The following TMED3 variants were observed in gnomAD, a reference collection of about 807,000 sequenced individuals.
TMED3 encodes transmembrane emp24 domain-containing protein 3.
TMED3 carries 9 observed loss-of-function variants against 15.0 expected under a neutral mutation model. That is an observed-to-expected ratio of 0.60 (90% CI 0.36 to 1.04). TMED3 has a LOEUF of 1.04. Ranked by LOEUF, TMED3 falls within the 50% of genes least tolerant of loss-of-function variation. The pLI, the probability that TMED3 is intolerant of heterozygous loss-of-function variation, is 0.01. For missense variants in TMED3, 267 were observed against 278.9 expected (o/e 0.96, Z 0.30); for synonymous variants, 117 against 121.4 (o/e 0.96, Z 0.24).
At chr15:79,376,149 G>GC (rs1199560022) in intron 2 of TMED3, among the ~76,000 whole-genome samples, 1 of 140,884 alleles carries the variant, frequency 7.1e-6, no homozygotes, top group Non-Finnish European at 1.5e-5. Context: ...TCGCTCTGTC[G>GC]CCCAGGCTGG....
At chr15:79,353,178 A>G (rs1595897168) in intron 2 of TMED3, among the ~76,000 whole-genome samples, 2 of 62,754 alleles carry the variant, frequency 3.2e-5, no homozygotes, top group South Asian at 9.8e-4. Flanking sequence ...TATACATAAT[A>G]TATAAAATAT....
intron 2 of TMED3, among the ~76,000 whole-genome samples, chr15:79,339,576 G>C (rs531220464): frequency 5.3e-4 from 80 of 152,178 alleles, no homozygotes; most frequent in Non-Finnish European, 9.1e-4. Flanking sequence ...CAAATTTGGG[G>C]TGGTGTTGGC....
At chr15:79,320,775 A>G (rs1018201994) in intron 2 of TMED3, among the ~76,000 whole-genome samples, 2 of 152,174 alleles carry the variant, frequency 1.3e-5, no homozygotes, top group African/African-American at 4.8e-5. Flanking sequence ...TCTTAATGCA[A>G]TACTCACTTA....
intron 2 of TMED3, among the ~76,000 whole-genome samples, chr15:79,329,767 C>T (rs746950518): frequency 5.9e-5 from 9 of 152,284 alleles, no homozygotes; most frequent in South Asian, 2.1e-4. Context: ...TCCTGCTGTC[C>T]GCCACCCATC....
At chr15:79,314,097 C>T (rs1305800095) in intron 2 of TMED3, 92 bp downstream of exon 2, 2 of 1,506,832 alleles carry the variant, frequency 1.3e-6, no homozygotes, top group Non-Finnish European at 1.8e-6. Flanking sequence ...GAGTCATCAT[C>T]CATCCAGCTC....
At chr15:79,320,645 A>T (rs12905379) in intron 2 of TMED3, among the ~76,000 whole-genome samples, 5 of 152,194 alleles carry the variant, frequency 3.3e-5, no homozygotes, top group Non-Finnish European at 7.3e-5. Flanking sequence ...GATAGGATAG[A>T]ATTTTCTAGG....
chr15:79,315,099 G>T (rs555609542), intron 2 of TMED3, among the ~76,000 whole-genome samples: 1 of 152,118 alleles, frequency 6.6e-6, no homozygotes, highest in Non-Finnish European at 1.5e-5. Context: ...CTTCTGGGCC[G>T]CCTTCCAAGG....
chr15:79,348,607 A>ATCTC (rs2058879849), intron 2 of TMED3, among the ~76,000 whole-genome samples: 1 of 152,200 alleles, frequency 6.6e-6, no homozygotes, highest in African/African-American at 2.4e-5. Context: ...TAGGTGAAAA[A>ATCTC]CAAGAGGTGC....
chr15:79,318,129 C>T (rs1025273717), intron 2 of TMED3, among the ~76,000 whole-genome samples: 2 of 152,170 alleles, frequency 1.3e-5, no homozygotes, highest in South Asian at 2.1e-4. Context: ...AGCCTGGTGA[C>T]GTCCTGCCCA....
intron 2 of TMED3, among the ~76,000 whole-genome samples, chr15:79,380,381 T>C (rs1008537655): frequency 1.1e-4 from 17 of 148,096 alleles, no homozygotes; most frequent in Non-Finnish European, 1.8e-4. Context: ...GTTATACACA[T>C]ATATATATAA....
At chr15:79,387,244 C>A (rs1010436946) in intron 2 of TMED3, among the ~76,000 whole-genome samples, 4 of 152,126 alleles carry the variant, frequency 2.6e-5, no homozygotes, top group African/African-American at 9.7e-5. Flanking sequence ...AAGTAAGGGT[C>A]CAATTTTATT....
At chr15:79,386,709 T>TTTC (rs1436673407) in intron 2 of TMED3, among the ~76,000 whole-genome samples, 2 of 147,694 alleles carry the variant, frequency 1.4e-5, no homozygotes, top group Admixed American at 1.3e-4. Context: ...TGGCTATTTT[T>TTTC]TTTTTTTTTT....
intron 2 of TMED3, among the ~76,000 whole-genome samples, chr15:79,350,911 A>G (rs982411218): frequency 2.6e-5 from 4 of 152,178 alleles, no homozygotes; most frequent in Admixed American, 2.6e-4. Flanking sequence ...GAAAAGCAGA[A>G]GCTGTGTTTA....
In TMED3 at chr15:79,411,462, A is replaced by T. The variant is rs936953044; in HGVS notation, c.480A>T (p.Gly160=). The change falls in exon 3 of 3, where the codon GGA becomes GGT. Residue 160 remains glycine (G), a synonymous_variant. Transcript: ENST00000424155. ...TGGTCGACTATATGCAGCCAGGCGG[A>T]ACACCTGCCACCGAGGGACTGGGAC... 4.3e-6 allele frequency: 3 copies of T among 702,500 alleles called. No individual in the cohort carries two copies. The Admixed American group carries it at 6.0e-5, about 14-fold the overall frequency. 43.5% of individuals were successfully genotyped at this position (702,500 alleles called of 1,614,324 possible).
chr15:79,401,722 A>T (rs886441068), intron 2 of TMED3, among the ~76,000 whole-genome samples: 2 of 152,210 alleles, frequency 1.3e-5, no homozygotes, highest in Non-Finnish European at 2.9e-5. Flanking sequence ...AGTGCCAGTA[A>T]CTGCAAAAAG....
At chr15:79,336,905 T>C (rs2058829298) in intron 2 of TMED3, among the ~76,000 whole-genome samples, 1 of 152,120 alleles carries the variant, frequency 6.6e-6, no homozygotes, top group African/African-American at 2.4e-5. Flanking sequence ...CTTCCAAGTG[T>C]CAAAGTAGTT....
intron 2 of TMED3, among the ~76,000 whole-genome samples, chr15:79,332,466 G>A (rs11635848): frequency 0.39 from 59,547 of 152,096 alleles, 11,948 homozygotes; most frequent in Middle Eastern, 0.48. Context: ...GCACATTCAA[G>A]CTATTATTTT....
At chr15:79,351,156 A>G (rs1595896286) in intron 2 of TMED3, among the ~76,000 whole-genome samples, 1 of 152,204 alleles carries the variant, frequency 6.6e-6, no homozygotes, top group African/African-American at 2.4e-5. Context: ...AGGAGGCTCA[A>G]TATTATTTTT....
At chr15:79,412,337 C>T (rs923513487) in exon 3 of TMED3, 7 of 152,398 alleles carry the variant, frequency 4.6e-5, no homozygotes, top group African/African-American at 1.7e-4. Flanking sequence ...TCAGCCTCCT[C>T]CTCCCCACAC....
Sources: gnomAD v4.1 joint callset for allele counts (sites outside exome capture counted in the v4.1 genomes callset) on GRCh38, gnomAD v4.1.1 for gene constraint, MANE v1.5 for transcripts, NCBI Gene and HGNC (gene_info 2026-07-23, HGNC 2026-07-21) for gene names.